Variants in LARGE1 observed in about 807,000 individuals in gnomAD.
The protein encoded by LARGE1 is LARGE xylosyl- and glucuronyltransferase 1, also known as xylosyl- and glucuronyltransferase LARGE1.
In LARGE1, 43 loss-of-function variants were observed where a neutral mutation model predicts 87.6. The ratio of observed to expected loss-of-function variants is 0.49; its 90% CI spans 0.38 to 0.63. The LOEUF (loss-of-function observed/expected upper bound fraction) is 0.63. Ranked by LOEUF, LARGE1 falls within the 30% of genes least tolerant of loss-of-function variation. LARGE1 has a pLI of 0.00. For missense variants in LARGE1, 802 were observed against 1,000.2 expected (o/e 0.80, Z 2.67); for synonymous variants, 434 against 394.6 (o/e 1.10, Z -1.18).
At chr22:33,588,750 C>A (rs978126748) in intron 5 of LARGE1, among the ~76,000 whole-genome samples, 5 of 151,974 alleles carry the variant, frequency 3.3e-5, no homozygotes, top group Non-Finnish European at 7.4e-5. Flanking sequence ...AGAGAGAGAA[C>A]CTTTGCATGA....
intron 2 of LARGE1, among the ~76,000 whole-genome samples, chr22:33,686,246 T>G (rs1443931733): frequency 6.6e-6 from 1 of 151,906 alleles, no homozygotes; most frequent in African/African-American, 2.4e-5. Context: ...GAACTGGAGC[T>G]TAGGATTGTT....
At chr22:33,307,017 G>A (rs1448789000) in intron 11 of LARGE1, among the ~76,000 whole-genome samples, 1 of 152,182 alleles carries the variant, frequency 6.6e-6, no homozygotes, top group African/African-American at 2.4e-5. Flanking sequence ...ACGCACTGCT[G>A]TTTCTATGCC....
intron 6 of LARGE1, among the ~76,000 whole-genome samples, chr22:33,477,204 CCTT>C (rs1209862781): frequency 6.6e-6 from 1 of 152,186 alleles, no homozygotes; most frequent in Non-Finnish European, 1.5e-5. Flanking sequence ...CAGATTTCTT[CCTT>C]CTTAGTTGAA....
chr22:33,913,131 C>A (rs916208641), intron 1 of LARGE1, among the ~76,000 whole-genome samples: 1 of 152,176 alleles, frequency 6.6e-6, no homozygotes. Flanking sequence ...CAAGCCCGGC[C>A]TGATTTTGAT....
chr22:33,484,115 G>A (rs926068884), intron 6 of LARGE1, among the ~76,000 whole-genome samples: 3 of 152,162 alleles, frequency 2.0e-5, no homozygotes, highest in Non-Finnish European at 4.4e-5. Flanking sequence ...TACACAAAGA[G>A]CCTGGGACAA....
At chr22:33,395,053 C>T (rs2065679703) in intron 7 of LARGE1, among the ~76,000 whole-genome samples, 1 of 151,828 alleles carries the variant, frequency 6.6e-6, no homozygotes, top group South Asian at 2.1e-4. Flanking sequence ...ACGGTGAAAC[C>T]CCGTCTCTAC....
chr22:33,180,178 C>T (rs73881977), intron 11 of LARGE1, among the ~76,000 whole-genome samples: 2 of 152,150 alleles, frequency 1.3e-5, no homozygotes, highest in African/African-American at 2.4e-5. Context: ...ACAAATTACC[C>T]AGTATCAGTT....
At chr22:33,775,849 C>CT (rs2085218041) in intron 1 of LARGE1, among the ~76,000 whole-genome samples, 1 of 77,210 alleles carries the variant, frequency 1.3e-5, no homozygotes, top group African/African-American at 7.3e-5. Flanking sequence ...AAGTCACTGT[C>CT]TTAAAAAAAA....
chr22:33,856,206 C>T (rs529037946), intron 1 of LARGE1, among the ~76,000 whole-genome samples: 28 of 152,292 alleles, frequency 1.8e-4, no homozygotes, highest in African/African-American at 4.6e-4. Flanking sequence ...GAGTGCTGAA[C>T]TGTGGCCATA....
intron 11 of LARGE1, among the ~76,000 whole-genome samples, chr22:33,248,005 C>T (rs1926842761): frequency 6.6e-6 from 1 of 152,200 alleles, no homozygotes; most frequent in African/African-American, 2.4e-5. Flanking sequence ...AACAATAGTA[C>T]TCACTCTTGC....
At chr22:33,759,244 T>C (rs2084633115) in intron 2 of LARGE1, among the ~76,000 whole-genome samples, 1 of 152,172 alleles carries the variant, frequency 6.6e-6, no homozygotes, top group Non-Finnish European at 1.5e-5. Flanking sequence ...TCAATTTGGG[T>C]TGGCTTTCTG....
intron 5 of LARGE1, among the ~76,000 whole-genome samples, chr22:33,586,388 T>C (rs1447476274): frequency 6.6e-6 from 1 of 151,882 alleles, no homozygotes; most frequent in Non-Finnish European, 1.5e-5. Flanking sequence ...CCAAACCCCA[T>C]GGTATGCTGC....
chr22:33,546,584 T>C (rs1030055239), intron 6 of LARGE1, among the ~76,000 whole-genome samples: 1 of 152,142 alleles, frequency 6.6e-6, no homozygotes, highest in African/African-American at 2.4e-5. Context: ...ATTCTTTTTT[T>C]AAATTTTTTA....
the LARGE1 span, among the ~76,000 whole-genome samples, chr22:33,131,735 A>C: frequency 2.0e-5 from 3 of 152,264 alleles, no homozygotes; most frequent in Admixed American, 6.5e-5. Context: ...CCCATGACAC[A>C]TGGGAATTAT....
the LARGE1 span, among the ~76,000 whole-genome samples, chr22:33,099,527 C>T: frequency 1.8e-4 from 28 of 152,190 alleles, no homozygotes; most frequent in Admixed American, 1.8e-3. Context: ...GCTGGGATTA[C>T]AGTCTTGAGC....
intron 6 of LARGE1, among the ~76,000 whole-genome samples, chr22:33,458,587 G>A (rs1438547207): frequency 6.6e-6 from 1 of 151,596 alleles, no homozygotes; most frequent in African/African-American, 2.4e-5. Context: ...CACCATGCCC[G>A]GCTAATGTTT....
intron 9 of LARGE1, among the ~76,000 whole-genome samples, chr22:33,350,061 A>C (rs1403151886): frequency 1.3e-5 from 2 of 152,160 alleles, no homozygotes; most frequent in Non-Finnish European, 2.9e-5. Flanking sequence ...CCAAGGAGGT[A>C]GAGGCTAAGG....
chr22:33,276,310 A>C (rs1324925562), intron 14 of LARGE1, among the ~76,000 whole-genome samples: 1 of 152,178 alleles, frequency 6.6e-6, no homozygotes, highest in Non-Finnish European at 1.5e-5. Context: ...ACAGGGGCTG[A>C]AAAATTGAAG....
chr22:33,817,101 T>C (rs1293487991), intron 1 of LARGE1, among the ~76,000 whole-genome samples: 1 of 152,184 alleles, frequency 6.6e-6, no homozygotes, highest in Admixed American at 6.5e-5. Context: ...CATACATACA[T>C]GCATACACAT....
Sources: allele counts gnomAD v4.1 joint callset (sites outside exome capture counted in the v4.1 genomes callset), GRCh38; gene constraint gnomAD v4.1.1; transcripts MANE v1.5; gene names NCBI Gene and HGNC (gene_info 2026-07-23, HGNC 2026-07-21).